BPIFC: variants seen among roughly 807,000 people sequenced by gnomAD.
The protein encoded by BPIFC is BPI fold-containing family C protein.
A neutral mutation model predicts 57.6 loss-of-function variants in BPIFC; 60 were observed. That is an observed-to-expected ratio of 1.04 (90% CI 0.85 to 1.29). BPIFC has a LOEUF of 1.29. Among genes scored for constraint, BPIFC ranks in the 50% most tolerant of loss-of-function variants. BPIFC has a pLI of 0.00. For synonymous variants in BPIFC, 243 were observed against 224.5 expected, an observed-to-expected ratio of 1.08 and a Z score of -0.74; for missense variants, 581 against 600.5, an observed-to-expected ratio of 0.97 and a Z score of 0.34.
At chr22:32,414,504 C>G in intron 16 of BPIFC, 79 bp from the exon 17 acceptor site, 1 of 1,505,628 alleles carries the variant, frequency 6.6e-7, no homozygotes. Flanking sequence ...GAAGAGATGG[C>G]TTCTTTTTTT....
intron 13 of BPIFC, among the ~76,000 whole-genome samples, chr22:32,422,419 G>A (rs1321536727): frequency 6.6e-6 from 1 of 152,048 alleles, no homozygotes; most frequent in African/African-American, 2.4e-5. Flanking sequence ...TCTAAAAAGG[G>A]TGTGAAGCTG....
chr22:32,454,514 T>A (rs539729331), intron 3 of BPIFC, among the ~76,000 whole-genome samples: 1 of 152,168 alleles, frequency 6.6e-6, no homozygotes, highest in Non-Finnish European at 1.5e-5. Flanking sequence ...TCTGAGCTCA[T>A]TGGGGAAAAG....
intron 4 of BPIFC, among the ~76,000 whole-genome samples, chr22:32,451,517 G>C (rs527983608): frequency 6.6e-6 from 1 of 152,070 alleles, no homozygotes; most frequent in African/African-American, 2.4e-5. Flanking sequence ...CACAGGAAGG[G>C]GAATATCACA....
intron 9 of BPIFC, 149 bp from the exon 10 acceptor site, chr22:32,436,029 G>A: frequency 1.2e-6 from 1 of 803,124 alleles, no homozygotes; most frequent in South Asian, 2.1e-5. Context: ...CAACACTTTG[G>A]GAGGCTGAGG....
At chr22:32,451,603 G>A (rs984047305) in intron 4 of BPIFC, among the ~76,000 whole-genome samples, 10 of 152,034 alleles carry the variant, frequency 6.6e-5, no homozygotes, top group African/African-American at 9.7e-5. Flanking sequence ...TGTAAACGAC[G>A]AGTTAATGGG....
intron 16 of BPIFC, among the ~76,000 whole-genome samples, chr22:32,415,239 G>C (rs1463119233): frequency 6.6e-6 from 1 of 152,078 alleles, no homozygotes; most frequent in African/African-American, 2.4e-5. Flanking sequence ...TTCACTCCTC[G>C]GCCGCTCACC....
rs1263684696 is a variant in BPIFC at position 32,424,665 on chromosome 22, CTTCT to C, written c.1218-5265_1218-5262del. On this transcript the variant is annotated intron_variant, in intron 13 of 16. Coordinates refer to ENST00000300399, the MANE Select transcript of BPIFC (RefSeq NM_174932.3). ...TTCTCTTCTTCTTCTTCTTCTTCTT[CTTCT>C]TCTTCTTCTTCTTCTTCTTCTTCCT... is the stretch of plus-strand genomic sequence containing the variant. Among the ~76,000 whole-genome samples, 112 of 70,776 alleles carry C rather than the reference CTTCT, an allele frequency of 1.6e-3. 23 individuals are homozygous for C. In the East Asian group the frequency reaches 0.019, roughly 12 times the overall value. The allele number at this position is 70,776 out of a possible 152,430, so 46.4% of individuals were successfully genotyped here.
At chr22:32,446,849 A>G (rs2145952514) in intron 5 of BPIFC, 1 of 961,294 alleles carries the variant, frequency 1.0e-6, no homozygotes, top group South Asian at 4.8e-5. Flanking sequence ...ATTTCCCATC[A>G]CTTACTCCTG....
chr22:32,433,680 G>A, intron 11 of BPIFC, 39 bp downstream of exon 11: 2 of 1,588,012 alleles, frequency 1.3e-6, no homozygotes, highest in Non-Finnish European at 1.7e-6. Context: ...TTGCAATGGA[G>A]CCAAATACAC....
rs772644905 is a variant in BPIFC at position 32,435,766 on chromosome 22, T to TA, written c.861dup (p.Lys288Ter). 3 of 1,614,170 alleles carry TA rather than the reference T, an allele frequency of 1.9e-6. No individual in the cohort carries two copies. The highest frequency in any genetic ancestry group is 2.5e-6 in the Non-Finnish European group (3 of 1,180,030). ...GTGAAATGAGCAAAGGACGCAGATT[T>TA]AAAGAAATACTCGGCGATTCCAATG... On this transcript the variant is annotated frameshift_variant, in exon 10 of 17. Transcript: ENST00000300399. LOFTEE classifies it high-confidence loss of function.
At chr22:32,433,918 T>A (rs998721029) in intron 10 of BPIFC, 146 bp from the exon 11 acceptor site, 11 of 729,700 alleles carry the variant, frequency 1.5e-5, no homozygotes, top group Non-Finnish European at 1.9e-5. Flanking sequence ...TATCATTTTA[T>A]AGCCCAATCA....
At chr22:32,432,334 T>C in intron 12 of BPIFC, 39 bp downstream of exon 12, 3 of 1,604,154 alleles carry the variant, frequency 1.9e-6, no homozygotes, top group African/African-American at 1.3e-5. Context: ...GGAGCAGGAT[T>C]GGCATCTACA....
chr22:32,425,726 G>A (rs1295874124), intron 13 of BPIFC, among the ~76,000 whole-genome samples: 1 of 152,082 alleles, frequency 6.6e-6, no homozygotes, highest in African/African-American at 2.4e-5. Context: ...CCAGGGCCTG[G>A]AACAGTGCAC....
intron 12 of BPIFC, 23 bp downstream of exon 12, chr22:32,432,350 C>T (rs758893216): frequency 6.2e-7 from 1 of 1,612,556 alleles, no homozygotes; most frequent in South Asian, 1.1e-5. Context: ...CTACAGGCTG[C>T]TCCACTGTCT....
chr22:32,441,174 T>G (rs2145943130), intron 8 of BPIFC, among the ~76,000 whole-genome samples: 1 of 152,264 alleles, frequency 6.6e-6, no homozygotes, highest in South Asian at 2.1e-4. Flanking sequence ...TGCCTGCAGT[T>G]TCCTCGATCT....
At chr22:32,438,282 C>T (rs1028142064) in intron 8 of BPIFC, among the ~76,000 whole-genome samples, 3 of 152,186 alleles carry the variant, frequency 2.0e-5, no homozygotes, top group African/African-American at 4.8e-5. Flanking sequence ...CGGTTGACCA[C>T]GGATAACTGA....
intron 13 of BPIFC, among the ~76,000 whole-genome samples, chr22:32,427,727 A>C (rs1047439241): frequency 2.0e-5 from 3 of 151,924 alleles, no homozygotes; most frequent in Non-Finnish European, 4.4e-5. Flanking sequence ...CAAATATCAC[A>C]CCTGTAATCC....
At chr22:32,462,168 C>CAAAAAAAAAAAAAAAAAAAAAAACAAAA (rs35716277) in intron 1 of BPIFC, among the ~76,000 whole-genome samples, 1 of 53,600 alleles carries the variant, frequency 1.9e-5, no homozygotes, top group Non-Finnish European at 3.2e-5. Flanking sequence ...GACTCCATCT[C>CAAAAAAAAAAAAAAAAAAAAAAACAAAA]AAAAAAAAAA....
chr22:32,441,618 A>G (rs909993138), intron 8 of BPIFC, among the ~76,000 whole-genome samples: 1 of 152,132 alleles, frequency 6.6e-6, no homozygotes, highest in African/African-American at 2.4e-5. Context: ...GGAAGAGGCT[A>G]TGTCTGAGCT....
Sources: gnomAD v4.1 joint callset for allele counts (sites outside exome capture counted in the v4.1 genomes callset) on GRCh38, gnomAD v4.1.1 for gene constraint, MANE v1.5 for transcripts, NCBI Gene and HGNC (gene_info 2026-07-23, HGNC 2026-07-21) for gene names.